SBNO2: variants seen among roughly 807,000 people sequenced by gnomAD.
The protein encoded by SBNO2 is strawberry notch homolog 2, also known as protein strawberry notch homolog 2.
A neutral mutation model predicts 146.3 loss-of-function variants in SBNO2; 89 were observed. The observed-to-expected ratio is 0.61, with a 90% CI of 0.51 to 0.73. SBNO2 has a LOEUF of 0.73. SBNO2 is among the 30% of genes least tolerant of loss of function. The probability of loss-of-function intolerance (pLI) is 0.00; values close to 1 mark genes in which losing one functional copy is unlikely to be tolerated. For missense variants in SBNO2, 2,092 were observed against 2,003.7 expected, an observed-to-expected ratio of 1.04 and a Z score of -0.84; for synonymous variants, 1,147 against 892.6, an observed-to-expected ratio of 1.29 and a Z score of -5.08.
At position 1,123,547 on chromosome 19, in the gene SBNO2, G is replaced by C; in HGVS notation, c.615C>G (p.Tyr205Ter). ...CGGGCCACTCACACTTGGACGGCAC[G>C]TAGTCGGCGTAGGTCTCTGTGTGCC... ...ELGHTETYAD[Y>*]VPSKSKIGKQ... The change falls in exon 7 of 32, where the codon TAC becomes TAG. Residue 205 changes from tyrosine (Y) to a stop codon, truncating the protein, a stop_gained. Transcript: ENST00000361757. LOFTEE classifies it high-confidence loss of function. The C allele has an allele frequency of 6.2e-7, 1 of 1,613,382 alleles. No individual in the cohort carries two copies. Among genetic ancestry groups the C allele is most frequent in the Non-Finnish European group, 8.5e-7 (1 of 1,179,706 alleles).
intron 2 of SBNO2, among the ~76,000 whole-genome samples, chr19:1,151,612 G>C (rs111361246): frequency 2.0e-5 from 3 of 152,354 alleles, no homozygotes; most frequent in African/African-American, 7.2e-5. Flanking sequence ...AATTGGTCCA[G>C]AGATGGGCAC....
At position 1,123,621 on chromosome 19, in the gene SBNO2, G is replaced by T; in HGVS notation, c.541C>A (p.Gln181Lys). Residue 181 changes from glutamine to lysine, a missense_variant, in exon 7 of 32, where the codon CAG becomes AAG. Transcript: ENST00000361757. Reference sequence around the variant, plus strand: ...TCAGCCTCGTCCTCCTCCTCTGGCTGGCTCTGCACACTCTGCTCCTGCGTG... The same window carrying T: ...TCAGCCTCGTCCTCCTCCTCTGGCTTGCTCTGCACACTCTGCTCCTGCGTG... ...VSYQEQSVQS[Q>K]PEEEDEAEEE... 1 of 1,612,888 alleles carries T rather than the reference G, an allele frequency of 6.2e-7. No homozygotes were observed. The highest frequency in any genetic ancestry group is 8.5e-7 in the Non-Finnish European group (1 of 1,179,646).
intron 9 of SBNO2, 41 bp from the exon 10 acceptor site, chr19:1,122,599 C>CCCCCCCCCCAAA: frequency 7.6e-7 from 1 of 1,316,116 alleles, no homozygotes; most frequent in Non-Finnish European, 1.0e-6. Context: ...CCTTCCCCCT[C>CCCCCCCCCCAAA]GCCCCCCGCT....
chr19:1,123,103 C>CG, intron 7 of SBNO2, 58 bp from the exon 8 acceptor site: 8 of 1,557,402 alleles, frequency 5.1e-6, no homozygotes, highest in Non-Finnish European at 6.9e-6. Context: ...TGACCAGGGC[C>CG]GGTTATGGCA....
Position 1,158,892 on chromosome 19 carries a change from C to G in SBNO2, c.-126-4490G>C, listed in dbSNP as rs925816483. Among the ~76,000 whole-genome samples, 3 of 152,024 alleles carry G rather than the reference C, an allele frequency of 2.0e-5. No individual in the cohort carries two copies. In the South Asian group the frequency reaches 6.2e-4, roughly 32 times the overall value. ...CCTCCTGCAGCTGTGACCGCCGCCC[C>G]ACAGCCGCGACCCCACCTGCAGCCG... On this transcript the variant is annotated intron_variant, in intron 1 of 31. Coordinates refer to ENST00000361757, the MANE Select transcript of SBNO2 (RefSeq NM_014963.3). The surrounding 1 kb of genome is among the most constrained non-coding windows in gnomAD (Gnocchi z 9.9).
intron 4 of SBNO2, among the ~76,000 whole-genome samples, 172 bp downstream of exon 4, chr19:1,147,137 A>C (rs2080198071): frequency 6.6e-6 from 1 of 152,046 alleles, no homozygotes; most frequent in Non-Finnish European, 1.5e-5. Context: ...CCCCAAAACC[A>C]AGCCACATCT....
At chr19:1,133,564 C>T (rs1040513819) in intron 4 of SBNO2, among the ~76,000 whole-genome samples, 8 of 152,236 alleles carry the variant, frequency 5.3e-5, no homozygotes, top group Non-Finnish European at 1.2e-4. Flanking sequence ...ACACCCCTTG[C>T]CACGACCCAT....
chr19:1,171,560 G>A (rs1193980293), intron 1 of SBNO2, among the ~76,000 whole-genome samples: 2 of 152,210 alleles, frequency 1.3e-5, no homozygotes, highest in Non-Finnish European at 2.9e-5. Flanking sequence ...GGCCCCCTGG[G>A]AGGGGGCCTC....
In SBNO2 at chr19:1,110,460, C is replaced by T. The variant is rs893592925; in HGVS notation, c.3028+285G>A. Among the ~76,000 whole-genome samples, 3 of 152,132 alleles carry T rather than the reference C, an allele frequency of 2.0e-5. No homozygotes were observed. The highest frequency in any genetic ancestry group is 4.4e-5 in the Non-Finnish European group (3 of 68,002). Reference sequence around the variant, plus strand: ...TCCGCCCAGTCTCACCCAGTACCCTCGCTCACCCAGGATGCATGGCGCTTC... The same window carrying T: ...TCCGCCCAGTCTCACCCAGTACCCTTGCTCACCCAGGATGCATGGCGCTTC... On this transcript the variant is annotated intron_variant, in intron 26 of 31. Transcript: ENST00000361757. The surrounding 1 kb of genome is among the most constrained non-coding windows in gnomAD (Gnocchi z 4.9).
rs981521526 is a variant in SBNO2, at chr19:1,109,981, C to T, written c.3029-204G>A. The stretch of plus-strand genomic sequence containing the variant: ...GGCAACCGCTCAGGTCCTAGGTAAC[C>T]CCGAGCAGGCTGTGGGGGATCGTGG... On this transcript the variant is annotated intron_variant, in intron 26 of 31. Transcript: ENST00000361757. The surrounding 1 kb of genome is among the most constrained non-coding windows in gnomAD (Gnocchi z 4.2). Among the ~76,000 whole-genome samples, 1 of 151,600 alleles carries T rather than the reference C, an allele frequency of 6.6e-6. No individual in the cohort carries two copies. Among genetic ancestry groups the T allele is most frequent in the Non-Finnish European group, 1.5e-5 (1 of 67,904 alleles).
chr19:1,128,983 T>C (rs1289331813), intron 4 of SBNO2, among the ~76,000 whole-genome samples: 5 of 131,856 alleles, frequency 3.8e-5, no homozygotes, highest in East Asian at 4.5e-4. Context: ...AAAAAAAAAA[T>C]AGACTGGGCA....
chr19:1,144,696 A>G lies in SBNO2; in HGVS notation c.279+2613T>C, dbSNP rs2080170465. 6.6e-6 allele frequency among the ~76,000 whole-genome samples: 1 copy of G among 151,834 alleles called. No homozygotes were observed. Among genetic ancestry groups the G allele is most frequent in the Non-Finnish European group, 1.5e-5 (1 of 67,946 alleles). On this transcript the variant is annotated intron_variant, in intron 4 of 31. Coordinates refer to ENST00000361757, the MANE Select transcript of SBNO2 (RefSeq NM_014963.3). This position sits in a 1 kb window ranked among gnomAD's most constrained non-coding sequence, Gnocchi z 4.1. ...GACGAAGACAGAGAGGGCGACAGAG[A>G]CAGAGAGGGAAACAGACACAGAGGC...
At chr19:1,131,133 C>T (rs968057465) in intron 4 of SBNO2, among the ~76,000 whole-genome samples, 1 of 152,198 alleles carries the variant, frequency 6.6e-6, no homozygotes, top group Non-Finnish European at 1.5e-5. Context: ...AAGTCCCACC[C>T]GCGCCTGTGT....
Position 1,123,020 on chromosome 19 carries a change from G to A in SBNO2, c.654C>T (p.Asp218=), listed in dbSNP as rs767560439. 1.3e-6 allele frequency: 2 copies of A among 1,591,006 alleles called. No individual in the cohort carries two copies. Among genetic ancestry groups the A allele is most frequent in the South Asian group, 2.3e-5 (2 of 87,092 alleles). The change falls in exon 8 of 32, where the codon GAC becomes GAT. Residue 218 remains aspartate, a synonymous_variant. Coordinates refer to ENST00000361757, the MANE Select transcript of SBNO2 (RefSeq NM_014963.3). ...ACAGTGTGCTGGTCTCCACCACGCG[G>A]TCTGGGTGCTGCTTCCCGATCTTGG... is the stretch of plus-strand genomic sequence containing the variant. ...SKSKIGKQHP[D]RVVETSTLSS...
At position 1,126,384 on chromosome 19, in the gene SBNO2, C is replaced by A. The variant is rs986084297; in HGVS notation, c.441+1220G>T. Reference sequence around the variant, plus strand: ...CATTGGGTTTCAGATGCCCTCGTGCCGGCCACAGCAGGCCGGTCAGGCCCT... The same window carrying A: ...CATTGGGTTTCAGATGCCCTCGTGCAGGCCACAGCAGGCCGGTCAGGCCCT... On this transcript the variant is annotated intron_variant, in intron 5 of 31. Coordinates refer to ENST00000361757, the MANE Select transcript of SBNO2 (RefSeq NM_014963.3). This position sits in a 1 kb window ranked among gnomAD's most constrained non-coding sequence, Gnocchi z 4.4. 6.6e-6 allele frequency among the ~76,000 whole-genome samples: 1 copy of A among 152,144 alleles called. No homozygotes were observed. The highest frequency in any genetic ancestry group is 6.6e-5 in the Admixed American group (1 of 15,262).
Position 1,147,364 on chromosome 19 carries a change from T to G in SBNO2, c.224A>C (p.Tyr75Ser), listed in dbSNP as rs1301646327. The change falls in exon 4 of 32, where the codon TAT becomes TCT. Residue 75 changes from tyrosine (Y) to serine (S), a missense_variant. Tyr to Ser is a moderately radical substitution (Grantham distance 144, BLOSUM62 -2). Coordinates refer to ENST00000361757, the MANE Select transcript of SBNO2 (RefSeq NM_014963.3). Reference sequence around the variant, plus strand: ...GCTGGAGGCGGTGGCCACGGGGGCATAGCTGGTGTCTGGGCAGGGCTGGCT... The same window carrying G: ...GCTGGAGGCGGTGGCCACGGGGGCAGAGCTGGTGTCTGGGCAGGGCTGGCT... ...LGSQPCPDTS[Y>S]APVATASSLP... 6.5e-7 allele frequency: 1 copy of G among 1,549,902 alleles called. No individual in the cohort carries two copies. Among genetic ancestry groups the G allele is most frequent in the African/African-American group, 1.5e-5 (1 of 68,608 alleles).
At position 1,116,073 on chromosome 19, in the gene SBNO2, G is replaced by A; in HGVS notation, c.1833C>T (p.His611=). ...CCCGCTTTCTCTTGGTGGACGGAAA[G>A]TGCTTCTGAATTAGCGACAGGAACA... is the stretch of plus-strand genomic sequence containing the variant. ...EGVFLSLIQK[H]FPSTKRKRDR... Residue 611 remains histidine, a synonymous_variant, in exon 17 of 32, where the codon CAC becomes CAT. Coordinates refer to ENST00000361757, the MANE Select transcript of SBNO2 (RefSeq NM_014963.3). The A allele has an allele frequency of 1.9e-6, 3 of 1,611,562 alleles. No individual in the cohort carries two copies. Among genetic ancestry groups the A allele is most frequent in the Non-Finnish European group, 2.5e-6 (3 of 1,179,316 alleles).
At chr19:1,135,844 C>G (rs991243926) in intron 4 of SBNO2, among the ~76,000 whole-genome samples, 3 of 152,048 alleles carry the variant, frequency 2.0e-5, no homozygotes, top group African/African-American at 7.2e-5. Context: ...GTGGCACTTC[C>G]TAGACACTGC....
intron 4 of SBNO2, chr19:1,132,009 G>A: frequency 8.9e-7 from 1 of 1,118,092 alleles, no homozygotes; most frequent in Non-Finnish European, 1.2e-6. Flanking sequence ...TCCGGCAGGG[G>A]GCCCGGCCGT....
Sources: gnomAD v4.1 joint callset for allele counts (sites outside exome capture counted in the v4.1 genomes callset) on GRCh38, gnomAD v4.1.1 for gene constraint, Gnocchi (gnomAD v3.1) non-coding constraint, MANE v1.5 for transcripts, NCBI Gene and HGNC (gene_info 2026-07-23, HGNC 2026-07-21) for gene names.